The following MYO3B variants were observed in gnomAD, a reference collection of about 807,000 sequenced individuals.
MYO3B encodes the protein myosin IIIB, also known as myosin-IIIb.
A neutral mutation model predicts 174.6 loss-of-function variants in MYO3B; 156 were observed. That is an observed-to-expected ratio of 0.89 (90% confidence interval 0.78 to 1.02). The LOEUF is 1.02. Ranked by LOEUF, MYO3B falls within the 50% of genes least tolerant of loss-of-function variation. MYO3B has a pLI of 0.00. For synonymous variants in MYO3B, 563 were observed against 569.1 expected (o/e 0.99, Z 0.15); for missense variants, 1,632 against 1,639.4 (o/e 1.00, Z 0.08).
At chr2:170,202,186 T>C (rs1393289402) in intron 3 of MYO3B, among the ~76,000 whole-genome samples, 3 of 152,192 alleles carry the variant, frequency 2.0e-5, no homozygotes, top group African/African-American at 7.2e-5. Flanking sequence ...AGGTGCTCCC[T>C]TGCCACCTGT....
chr2:170,503,015 AT>A (rs1687378245), intron 28 of MYO3B, among the ~76,000 whole-genome samples: 1 of 152,174 alleles, frequency 6.6e-6, no homozygotes, highest in Non-Finnish European at 1.5e-5. Flanking sequence ...AGGAAGAGGG[AT>A]GCAATTCTTG....
chr2:170,365,646 A>T (rs1188156102), intron 8 of MYO3B, among the ~76,000 whole-genome samples: 1 of 152,158 alleles, frequency 6.6e-6, no homozygotes, highest in Non-Finnish European at 1.5e-5. Context: ...AGAGAGGAGT[A>T]TTTTAGAATA....
At chr2:170,491,679 C>T (rs996061999) in intron 25 of MYO3B, among the ~76,000 whole-genome samples, 12 of 152,216 alleles carry the variant, frequency 7.9e-5, no homozygotes, top group Non-Finnish European at 1.5e-5. Flanking sequence ...CCCGCCTTGG[C>T]CTCCCAAAGT....
At chr2:170,578,100 A>C (rs543560519) in intron 32 of MYO3B, among the ~76,000 whole-genome samples, 1 of 152,340 alleles carries the variant, frequency 6.6e-6, no homozygotes, top group South Asian at 2.1e-4. Flanking sequence ...ATACCTGCTT[A>C]TGTTTGGCTG....
At chr2:170,421,942 C>T (rs2094618593) in intron 22 of MYO3B, among the ~76,000 whole-genome samples, 1 of 152,114 alleles carries the variant, frequency 6.6e-6, no homozygotes, top group Non-Finnish European at 1.5e-5. Context: ...TTTTAAAATT[C>T]TCCATGCAGT....
At chr2:170,574,567 T>G (rs1481689922) in intron 32 of MYO3B, among the ~76,000 whole-genome samples, 2 of 152,164 alleles carry the variant, frequency 1.3e-5, no homozygotes, top group Non-Finnish European at 2.9e-5. Context: ...AAGAAACACA[T>G]GGATCTAATT....
intron 23 of MYO3B, among the ~76,000 whole-genome samples, chr2:170,456,989 A>C (rs1199860160): frequency 6.6e-6 from 1 of 152,252 alleles, no homozygotes; most frequent in African/African-American, 2.4e-5. Flanking sequence ...ATAGCATGTT[A>C]CTGTACTGAA....
chr2:170,329,254 TGTGTG>T (rs2093893409), intron 7 of MYO3B, among the ~76,000 whole-genome samples: 2 of 151,158 alleles, frequency 1.3e-5, no homozygotes, highest in Non-Finnish European at 2.9e-5. Context: ...TGTGTGTGTG[TGTGTG>T]TATATATATA....
At chr2:170,472,792 G>A (rs902931439) in intron 25 of MYO3B, among the ~76,000 whole-genome samples, 3 of 151,476 alleles carry the variant, frequency 2.0e-5, no homozygotes, top group African/African-American at 4.9e-5. Flanking sequence ...ACCTCTACCC[G>A]CTGGGTTCAA....
At chr2:170,267,112 A>AT (rs34865712) in intron 7 of MYO3B, among the ~76,000 whole-genome samples, 122,771 of 152,106 alleles carry the variant, frequency 0.81, 52,508 homozygotes, top group East Asian at 0.94. Flanking sequence ...ATGAAAGTTT[A>AT]TTTTTTGTTC....
At chr2:170,634,523 A>G (rs1380143794) in intron 32 of MYO3B, among the ~76,000 whole-genome samples, 3 of 152,236 alleles carry the variant, frequency 2.0e-5, no homozygotes, top group Non-Finnish European at 4.4e-5. Flanking sequence ...ACTGTAGAAG[A>G]AAACCTAGGC....
chr2:170,606,110 C>T (rs544031505), intron 32 of MYO3B, among the ~76,000 whole-genome samples: 2 of 152,224 alleles, frequency 1.3e-5, no homozygotes, highest in East Asian at 1.9e-4. Flanking sequence ...TGTGTCAGTA[C>T]GTATATGGGA....
chr2:170,393,736 T>C (rs1223123197), intron 16 of MYO3B, among the ~76,000 whole-genome samples: 1 of 152,200 alleles, frequency 6.6e-6, no homozygotes, highest in Non-Finnish European at 1.5e-5. Context: ...ATCATAATAG[T>C]ACCTTTCTTT....
At chr2:170,246,121 A>T (rs1039179835) in intron 7 of MYO3B, among the ~76,000 whole-genome samples, 3 of 152,182 alleles carry the variant, frequency 2.0e-5, no homozygotes, top group African/African-American at 7.2e-5. Flanking sequence ...GGGGTTGAGT[A>T]AAACCCTTCC....
chr2:170,612,449 A>C (rs1695182736), intron 32 of MYO3B, among the ~76,000 whole-genome samples: 1 of 152,168 alleles, frequency 6.6e-6, no homozygotes, highest in Non-Finnish European at 1.5e-5. Flanking sequence ...ACTCTTACTT[A>C]TTACCCCTAT....
intron 7 of MYO3B, among the ~76,000 whole-genome samples, chr2:170,236,565 G>T (rs1307535692): frequency 1.3e-5 from 2 of 152,194 alleles, no homozygotes; most frequent in Non-Finnish European, 2.9e-5. Flanking sequence ...ATCAGAAAAT[G>T]TTACATCAGC....
chr2:170,241,041 A>G (rs902219764), intron 7 of MYO3B, among the ~76,000 whole-genome samples: 1 of 151,986 alleles, frequency 6.6e-6, no homozygotes, highest in African/African-American at 2.4e-5. Flanking sequence ...GCAAAGTTGT[A>G]TCTCCCGTGT....
intron 22 of MYO3B, among the ~76,000 whole-genome samples, chr2:170,409,847 A>G (rs1457011382): frequency 2.0e-5 from 3 of 152,252 alleles, no homozygotes; most frequent in South Asian, 2.1e-4. Context: ...CGATTCTAAC[A>G]TGATTGTGCA....
intron 32 of MYO3B, among the ~76,000 whole-genome samples, chr2:170,594,264 C>G (rs1694000727): frequency 6.6e-6 from 1 of 152,014 alleles, no homozygotes; most frequent in Admixed American, 6.6e-5. Context: ...ATTTCTACCA[C>G]CACCGCCATG....
Sources: gnomAD v4.1 joint callset for allele counts (sites outside exome capture counted in the v4.1 genomes callset) on GRCh38, gnomAD v4.1.1 for gene constraint, MANE v1.5 for transcripts, NCBI Gene and HGNC (gene_info 2026-07-23, HGNC 2026-07-21) for gene names.